Variants in AKAP8 observed in about 807,000 individuals in gnomAD.
AKAP8 encodes A-kinase anchor protein 8.
AKAP8 carries 24 observed loss-of-function variants against 67.5 expected under a neutral mutation model. The ratio of observed to expected loss-of-function variants is 0.36; its 90% CI spans 0.26 to 0.50. AKAP8 has a LOEUF of 0.50. Among genes scored for constraint, AKAP8 ranks in the 20% least tolerant of loss-of-function variants. The probability of loss-of-function intolerance (pLI) is 0.97; values close to 1 mark genes in which losing one functional copy is unlikely to be tolerated. For synonymous variants in AKAP8, 400 were observed against 371.1 expected, an observed-to-expected ratio of 1.08 and a Z score of -0.90; for missense variants, 971 against 955.9, an observed-to-expected ratio of 1.02 and a Z score of -0.21.
intron 4 of AKAP8, 92 bp from the exon 5 acceptor site, chr19:15,373,432 ACAG>A (rs1967197559): frequency 6.8e-7 from 1 of 1,462,662 alleles, no homozygotes; most frequent in Non-Finnish European, 9.0e-7. Context: ...TACATTCAAA[ACAG>A]CAAACCAAAC....
chr19:15,363,004 C>A (rs1175000292), intron 9 of AKAP8, among the ~76,000 whole-genome samples: 2 of 150,660 alleles, frequency 1.3e-5, no homozygotes, highest in Non-Finnish European at 3.0e-5. Flanking sequence ...GCACCTCTGC[C>A]CTGCCGCCCC....
chr19:15,379,537 G>C, intron 1 of AKAP8, 176 bp downstream of exon 1: 3 of 613,948 alleles, frequency 4.9e-6, no homozygotes, highest in Non-Finnish European at 5.1e-6. Context: ...AGCCCCGGGA[G>C]CGACGGCGCC....
intron 9 of AKAP8, among the ~76,000 whole-genome samples, chr19:15,363,400 T>G (rs1599560658): frequency 8.4e-6 from 1 of 118,596 alleles, no homozygotes; most frequent in Non-Finnish European, 1.7e-5. Context: ...GTCCGGGAAG[T>G]GAGGGGCGCC....
rs760599797 is a variant in AKAP8, at chr19:15,360,981, G to A, written c.1397-3C>T. The A allele has an allele frequency of 6.2e-7, 1 of 1,612,040 alleles. No homozygotes were observed. The highest frequency in any genetic ancestry group is 1.7e-5 in the Admixed American group (1 of 59,918). ...GAAGAAGTGCTCCTGGCCAATCCCT[G>A]CCAGGAAACGCATGTCTTGTAGGAT... On this transcript the variant is annotated splice_polypyrimidine_tract_variant and splice_region_variant and intron_variant, in intron 11 of 13. Coordinates refer to ENST00000269701, the MANE Select transcript of AKAP8 (RefSeq NM_005858.4).
At chr19:15,359,864 T>A (rs146607453) in intron 12 of AKAP8, among the ~76,000 whole-genome samples, 4 of 151,792 alleles carry the variant, frequency 2.6e-5, no homozygotes, top group African/African-American at 9.7e-5. Flanking sequence ...CTGGGTGCAG[T>A]GGCTCACACC....
chr19:15,370,304 AG>A, intron 7 of AKAP8, 125 bp from the exon 8 acceptor site: 1 of 1,061,806 alleles, frequency 9.4e-7, no homozygotes, highest in Non-Finnish European at 1.4e-6. Context: ...TATGCCACCA[AG>A]AATGAGCCAC....
intron 5 of AKAP8, 73 bp downstream of exon 5, chr19:15,372,778 G>A (rs1967181718): frequency 3.5e-6 from 5 of 1,448,152 alleles, no homozygotes; most frequent in Non-Finnish European, 4.5e-6. Context: ...TGTTGAGATG[G>A]GGAAATTTTA....
At position 15,353,474 on chromosome 19, in the gene AKAP8, C is replaced by G. The variant is rs746656750; in HGVS notation, c.*1441G>C. On this transcript the variant is annotated 3_prime_UTR_variant, in exon 14 of 14. Transcript: ENST00000269701. ...TGCTCACCCTGCGATTAAGACGCAT[C>G]TACACAACACAAACGGATGCTGAGC... is the stretch of plus-strand genomic sequence containing the variant. The G allele has an allele frequency of 6.6e-6, 1 of 151,894 alleles. No individual in the cohort carries two copies. Among genetic ancestry groups the G allele is most frequent in the Non-Finnish European group, 1.5e-5 (1 of 68,018 alleles). The allele number at this position is 151,894 out of a possible 1,614,324, so 9.4% of individuals were successfully genotyped here. A position where few individuals can be genotyped will look rare whatever the true frequency, so the allele number is the denominator to read the frequency against.
At position 15,373,959 on chromosome 19, in the gene AKAP8, G is replaced by A. The variant is rs1197664922; in HGVS notation, c.198C>T (p.Gly66=). 13 of 1,613,530 alleles carry A rather than the reference G, an allele frequency of 8.1e-6. No homozygotes were observed. In the Admixed American group the frequency reaches 8.3e-5, roughly 10 times the overall value. The change falls in exon 4 of 14, where the codon GGC becomes GGT. Residue 66 remains glycine (G), a synonymous_variant. Coordinates refer to ENST00000269701, the MANE Select transcript of AKAP8 (RefSeq NM_005858.4). ...TGGCAGGGGCCCCGGCCGCCAGGCC[G>A]CCATCATTGGCCTTGGCGGCCTCCC... is the stretch of plus-strand genomic sequence containing the variant. The part of the protein sequence containing the change: ...ASWEAAKAND[G]GLAAGAPAMH...
At chr19:15,373,597 A>G (rs1967200383) in intron 4 of AKAP8, 189 bp downstream of exon 4, 3 of 935,820 alleles carry the variant, frequency 3.2e-6, no homozygotes, top group Admixed American at 2.9e-5. Flanking sequence ...ACCACGCCCA[A>G]GCCCCGCCAT....
At chr19:15,358,880 G>C in intron 13 of AKAP8, 87 bp downstream of exon 13, 1 of 1,207,228 alleles carries the variant, frequency 8.3e-7, no homozygotes, top group Non-Finnish European at 1.2e-6. Flanking sequence ...AATGCTAAAT[G>C]CTGCACTCTG....
At chr19:15,368,413 C>T (rs1967103492) in intron 8 of AKAP8, 91 bp from the exon 9 acceptor site, 8 of 1,597,968 alleles carry the variant, frequency 5.0e-6, no homozygotes, top group Middle Eastern at 1.7e-4. Context: ...GCTTGGCCAC[C>T]GCACCCTGTG....
In AKAP8 at chr19:15,373,283, G is replaced by A; in HGVS notation, c.429C>T (p.His143=). 6.2e-7 allele frequency: 1 copy of A among 1,613,778 alleles called. No individual in the cohort carries two copies. ...AGCTGTAGCTGGGGCGGTAGGGGTT[G>A]TGCTCCGGCAGGCAGGGCCTGGAGT... The part of the protein sequence containing the change: ...SYDSRPCLPE[H]NPYRPSYSYD... The change falls in exon 5 of 14, where the codon CAC becomes CAT. Residue 143 remains histidine, a synonymous_variant. Coordinates refer to ENST00000269701, the MANE Select transcript of AKAP8 (RefSeq NM_005858.4).
chr19:15,379,101 C>G (rs1568256657), intron 1 of AKAP8: 1 of 152,636 alleles, frequency 6.6e-6, no homozygotes, highest in Non-Finnish European at 1.5e-5. Flanking sequence ...CGGCAGCACT[C>G]GGCCCCACCG....
In AKAP8 at chr19:15,355,161, G is replaced by A. The variant is rs1349891526; in HGVS notation, c.1833C>T (p.Asp611=). The A allele has an allele frequency of 1.9e-6, 3 of 1,612,722 alleles. No individual in the cohort carries two copies. In the African/African-American group the frequency reaches 4.0e-5, roughly 22 times the overall value. Reference sequence around the variant, plus strand: ...GAGGATCACTACCGGCCTCCGCTGTGTCCGTGGGGCCTTCGTCCTCAGCCG... The same window carrying A: ...GAGGATCACTACCGGCCTCCGCTGTATCCGTGGGGCCTTCGTCCTCAGCCG... ...GEPAEDEGPT[D]TAEAGSDPQA... Residue 611 remains aspartate, a synonymous_variant, in exon 14 of 14, where the codon GAC becomes GAT. Coordinates refer to ENST00000269701, the MANE Select transcript of AKAP8 (RefSeq NM_005858.4).
At chr19:15,359,638 T>C (rs945861947) in intron 12 of AKAP8, among the ~76,000 whole-genome samples, 3 of 151,990 alleles carry the variant, frequency 2.0e-5, no homozygotes, top group Non-Finnish European at 4.4e-5. Flanking sequence ...ATTTGGGAGA[T>C]GGAGGTTGCA....
chr19:15,364,432 C>T (rs1042553124), intron 9 of AKAP8, among the ~76,000 whole-genome samples: 13 of 152,186 alleles, frequency 8.5e-5, no homozygotes, highest in Middle Eastern at 3.4e-3. Context: ...CTCACTGCAA[C>T]CTCCGCCTCC....
intron 1 of AKAP8, 39 bp downstream of exon 1, chr19:15,379,674 C>T (rs57295859): frequency 0.12 from 183,931 of 1,598,544 alleles, 13,105 homozygotes; most frequent in East Asian, 0.37. Flanking sequence ...CCGCACAGAG[C>T]CTTCCCTCCC....
chr19:15,363,920 G>A (rs1034784112), intron 9 of AKAP8, among the ~76,000 whole-genome samples: 37 of 151,464 alleles, frequency 2.4e-4, no homozygotes, highest in Middle Eastern at 3.4e-3. Flanking sequence ...GATTAAGGGC[G>A]GTGCAAGATG....
Sources: allele counts gnomAD v4.1 joint callset (sites outside exome capture counted in the v4.1 genomes callset), GRCh38; gene constraint gnomAD v4.1.1; transcripts MANE v1.5; gene names NCBI Gene and HGNC (gene_info 2026-07-23, HGNC 2026-07-21).